LAMTOR4: variants seen among roughly 807,000 people sequenced by gnomAD.
The protein encoded by LAMTOR4 is ragulator complex protein LAMTOR4.
In LAMTOR4, 11 loss-of-function variants were observed where a neutral mutation model predicts 13.5. The observed-to-expected ratio is 0.82, with a 90% CI of 0.51 to 1.35. The LOEUF (loss-of-function observed/expected upper bound fraction) is 1.35. Among genes scored for constraint, LAMTOR4 ranks in the 40% most tolerant of loss-of-function variants. The pLI, the probability that LAMTOR4 is intolerant of heterozygous loss-of-function variation, is 0.00. For synonymous variants in LAMTOR4, 69 were observed against 52.3 expected (o/e 1.32, Z -1.38); for missense variants, 128 against 126.2 (o/e 1.01, Z -0.07).
chr7:100,149,321 G>A (rs1006011753), intron 1 of LAMTOR4, 178 bp from the exon 2 acceptor site: 33 of 645,630 alleles, frequency 5.1e-5, no homozygotes, highest in African/African-American at 4.6e-4. Flanking sequence ...GCAGATGGAG[G>A]CTCGGGAAGA....
chr7:100,153,363 T>G, intron 2 of LAMTOR4, 37 bp from the exon 3 acceptor site: 2 of 1,439,830 alleles, frequency 1.4e-6, no homozygotes, highest in Non-Finnish European at 1.9e-6. Context: ...GCCTGTGCCG[T>G]AATGCCCGCC....
chr7:100,149,197 C>CGAAGGGAGGT lies in LAMTOR4; in HGVS notation c.3+227_3+236dup. 6.3e-6 allele frequency: 4 copies of CGAAGGGAGGT among 633,008 alleles called. No individual in the cohort carries two copies. In the South Asian group the frequency reaches 7.8e-5, roughly 12 times the overall value. The allele number at this position is 633,008 out of a possible 1,614,324, so 39.2% of individuals were successfully genotyped here. ...GGGTAGTCTGCAGGTCGGGCGGAGA[C>CGAAGGGAGGT]GAAGGGAGGTGAAGAGAGGGTCTGG... is the stretch of plus-strand genomic sequence containing the variant. On this transcript the variant is annotated intron_variant, in intron 1 of 3. Coordinates refer to ENST00000341942, the MANE Select transcript of LAMTOR4 (RefSeq NM_001008395.4).
intron 2 of LAMTOR4, 140 bp from the exon 3 acceptor site, chr7:100,153,260 T>G (rs1266706415): frequency 3.6e-5 from 24 of 669,828 alleles, no homozygotes; most frequent in Non-Finnish European, 5.0e-5. Context: ...GATTTCAGGT[T>G]GTTTTTTTCC....
In LAMTOR4 at chr7:100,153,408, G is replaced by T; in HGVS notation, c.93G>T (p.Gly31=). Reference sequence around the variant, plus strand: ...CCTCCGTCTGCATGCAGTCATCTGGGGACCTGGAGAATGATGAGCAGGCAG... The same window carrying T: ...CCTCCGTCTGCATGCAGTCATCTGGTGACCTGGAGAATGATGAGCAGGCAG... ...LSEGAVLASS[G]DLENDEQAAS... The change falls in exon 3 of 4, where the codon GGG becomes GGT. Residue 31 remains glycine, a synonymous_variant. Transcript: ENST00000341942. 6.2e-7 allele frequency: 1 copy of T among 1,609,920 alleles called. No homozygotes were observed. Among genetic ancestry groups the T allele is most frequent in the Non-Finnish European group, 8.5e-7 (1 of 1,178,422 alleles).
At chr7:100,150,857 C>T (rs185017783) in intron 2 of LAMTOR4, among the ~76,000 whole-genome samples, 157 of 151,878 alleles carry the variant, frequency 1.0e-3, no homozygotes, top group Non-Finnish European at 1.8e-3. Context: ...GGCCTGGTGG[C>T]GGGCACTTGT....
At chr7:100,149,434 G>A in intron 1 of LAMTOR4, 65 bp from the exon 2 acceptor site, 1 of 1,113,230 alleles carries the variant, frequency 9.0e-7, no homozygotes, top group Non-Finnish European at 1.4e-6. Flanking sequence ...GGGTTTGCAG[G>A]TGAAGGGTAT....
chr7:100,153,264 T>C (rs547277440), intron 2 of LAMTOR4, 136 bp from the exon 3 acceptor site: 8 of 683,288 alleles, frequency 1.2e-5, no homozygotes, highest in Non-Finnish European at 1.8e-5. Flanking sequence ...TCAGGTTGTT[T>C]TTTTCCAAAG....
At position 100,148,962 on chromosome 7, in the gene LAMTOR4, C is replaced by T. The variant is rs1044489432; in HGVS notation, c.-11C>T. On this transcript the variant is annotated 5_prime_UTR_variant, in exon 1 of 4. Coordinates refer to ENST00000341942, the MANE Select transcript of LAMTOR4 (RefSeq NM_001008395.4). Reference sequence around the variant, plus strand: ...ATCTGGTAGGGAGCTCCCCCAGCACCGAAGACTGCGATGGTGAGTGAGGAC... The same window carrying T: ...ATCTGGTAGGGAGCTCCCCCAGCACTGAAGACTGCGATGGTGAGTGAGGAC... The T allele has an allele frequency of 6.2e-7, 1 of 1,612,134 alleles. No homozygotes were observed. The highest frequency in any genetic ancestry group is 8.5e-7 in the Non-Finnish European group (1 of 1,179,916).
At position 100,154,018 on chromosome 7, in the gene LAMTOR4, T is replaced by G; in HGVS notation, c.*54T>G. Reference sequence around the variant, plus strand: ...CGGATTGGGTCCTGGGCCTCTGTGATGAGGCAGGCACACCTGTCGGTCTTG... The same window carrying G: ...CGGATTGGGTCCTGGGCCTCTGTGAGGAGGCAGGCACACCTGTCGGTCTTG... On this transcript the variant is annotated 3_prime_UTR_variant, in exon 4 of 4. Transcript: ENST00000341942. 7.5e-7 allele frequency: 1 copy of G among 1,339,324 alleles called. No homozygotes were observed. The highest frequency in any genetic ancestry group is 1.0e-6 in the Non-Finnish European group (1 of 953,096). The allele number at this position is 1,339,324 out of a possible 1,614,324, so 83.0% of individuals were successfully genotyped here.
chr7:100,153,897 C>A lies in LAMTOR4; in HGVS notation c.233C>A (p.Thr78Lys). The A allele has an allele frequency of 6.3e-7, 1 of 1,590,968 alleles. No homozygotes were observed. Among genetic ancestry groups the A allele is most frequent in the East Asian group, 2.3e-5 (1 of 44,172 alleles). The change falls in exon 4 of 4, where the codon ACG becomes AAG. Residue 78 changes from threonine to lysine, a missense_variant. Physicochemically the swap from Thr to Lys is moderately conservative, Grantham distance 78. Transcript: ENST00000341942. ...TTTGGAGAACACACACTGCTGGTGA[C>A]GGTGTCAGGACAGAGGGTGTTTGTG... ...VVFGEHTLLV[T>K]VSGQRVFVVK...
intron 2 of LAMTOR4, among the ~76,000 whole-genome samples, chr7:100,152,481 T>C (rs2116947726): frequency 6.6e-6 from 1 of 152,294 alleles, no homozygotes; most frequent in East Asian, 1.9e-4. Flanking sequence ...TGAAATTTGA[T>C]GGCCCAACTT....
At chr7:100,153,090 G>T (rs752093690) in intron 2 of LAMTOR4, among the ~76,000 whole-genome samples, 1 of 151,808 alleles carries the variant, frequency 6.6e-6, no homozygotes, top group Admixed American at 6.6e-5. Flanking sequence ...AACCCGAGAG[G>T]CCGAGATTGC....
chr7:100,153,775 C>G (rs529554165), intron 3 of LAMTOR4, 92 bp from the exon 4 acceptor site: 1 of 905,058 alleles, frequency 1.1e-6, no homozygotes. Context: ...AGCCAATGTG[C>G]GTGTGGCCCC....
At chr7:100,153,171 T>C (rs999119947) in intron 2 of LAMTOR4, among the ~76,000 whole-genome samples, 1 of 150,128 alleles carries the variant, frequency 6.7e-6, no homozygotes, top group African/African-American at 2.4e-5. Flanking sequence ...AAAAGATGGA[T>C]AAGTTACTGC....
intron 2 of LAMTOR4, 105 bp from the exon 3 acceptor site, chr7:100,153,295 A>G (rs975063244): frequency 3.8e-6 from 3 of 793,852 alleles, no homozygotes; most frequent in South Asian, 3.2e-5. Flanking sequence ...TGGCAAGCCA[A>G]GGGGGAGAGG....
At position 100,149,310 on chromosome 7, in the gene LAMTOR4, G is replaced by A. The variant is rs888860097; in HGVS notation, c.4-189G>A. The A allele has an allele frequency of 4.7e-6, 3 of 636,284 alleles. No homozygotes were observed. In the African/African-American group the frequency reaches 5.5e-5, roughly 12 times the overall value. The allele number at this position is 636,284 out of a possible 1,614,324, so 39.4% of individuals were successfully genotyped here. ...AGGGGAGCCCGGGGGCGAGAGTGGG[G>A]GCAGATGGAGGCTCGGGAAGATCAG... is the stretch of plus-strand genomic sequence containing the variant. On this transcript the variant is annotated intron_variant, in intron 1 of 3. Coordinates refer to ENST00000341942, the MANE Select transcript of LAMTOR4 (RefSeq NM_001008395.4).
chr7:100,149,354 G>T (rs1255214663), intron 1 of LAMTOR4, 145 bp from the exon 2 acceptor site: 7 of 700,704 alleles, frequency 1.0e-5, no homozygotes, highest in African/African-American at 7.0e-5. Context: ...ACCATGTAGG[G>T]GGGAGGGGGC....
chr7:100,153,353 G>T, intron 2 of LAMTOR4, 47 bp from the exon 3 acceptor site: 2 of 1,334,562 alleles, frequency 1.5e-6, no homozygotes, highest in Non-Finnish European at 1.1e-6. Flanking sequence ...TCCTTCCTGA[G>T]CCTGTGCCGT....
In LAMTOR4 at chr7:100,149,267, G is replaced by A. The variant is rs1445589898; in HGVS notation, c.4-232G>A. ...AGCAAAGGCCCCTTGGGGTAGCAAAGGTGGGATGTGGAAGGCCAGGGGAGC... is the reference window on the plus strand; with the variant it reads ...AGCAAAGGCCCCTTGGGGTAGCAAAAGTGGGATGTGGAAGGCCAGGGGAGC... On this transcript the variant is annotated intron_variant, in intron 1 of 3. Transcript: ENST00000341942. 9 of 608,186 alleles carry A rather than the reference G, an allele frequency of 1.5e-5. No homozygotes were observed. In the East Asian group the frequency reaches 1.9e-4, roughly 13 times the overall value. The allele number at this position is 608,186 out of a possible 1,614,324, so 37.7% of individuals were successfully genotyped here. A position where few individuals can be genotyped will look rare whatever the true frequency, so the allele number is the denominator to read the frequency against.
Sources: gnomAD v4.1 joint callset for allele counts (sites outside exome capture counted in the v4.1 genomes callset) on GRCh38, gnomAD v4.1.1 for gene constraint, MANE v1.5 for transcripts, NCBI Gene and HGNC (gene_info 2026-07-23, HGNC 2026-07-21) for gene names.